DCC: variants seen among roughly 807,000 people sequenced by gnomAD.
The protein encoded by DCC is netrin receptor DCC.
A neutral mutation model predicts 172.5 loss-of-function variants in DCC; 58 were observed. The ratio of observed to expected loss-of-function variants is 0.34; its 90% CI spans 0.27 to 0.42. DCC has a LOEUF of 0.42. Ranked by LOEUF, DCC falls within the 10% of genes least tolerant of loss-of-function variation. DCC has a pLI of 1.00. For synonymous variants in DCC, 709 were observed against 644.5 expected, an observed-to-expected ratio of 1.10 and a Z score of -1.52; for missense variants, 1,740 against 1,791.0, an observed-to-expected ratio of 0.97 and a Z score of 0.51.
At chr18:53,134,571 T>C (rs2043710059) in intron 7 of DCC, among the ~76,000 whole-genome samples, 1 of 152,156 alleles carries the variant, frequency 6.6e-6, no homozygotes, top group African/African-American at 2.4e-5. Context: ...GACACATTTT[T>C]TATGTACAAA....
intron 12 of DCC, among the ~76,000 whole-genome samples, chr18:53,270,973 AT>A (rs1025987162): frequency 6.6e-6 from 1 of 152,126 alleles, no homozygotes; most frequent in African/African-American, 2.4e-5. Context: ...AATATTACCC[AT>A]TTTATTGTTA....
intron 1 of DCC, among the ~76,000 whole-genome samples, chr18:52,352,740 T>G (rs1488636345): frequency 1.1e-4 from 16 of 152,180 alleles, no homozygotes; most frequent in Admixed American, 2.6e-4. Flanking sequence ...TAATTTAGAA[T>G]CTCGGAGATG....
chr18:52,879,412 C>CTGTTTTTTTTTTTTTTTTTTT (rs2039448314), intron 2 of DCC, among the ~76,000 whole-genome samples: 1 of 62,356 alleles, frequency 1.6e-5, no homozygotes, highest in Non-Finnish European at 2.9e-5. Flanking sequence ...TGTTGTTTGG[C>CTGTTTTTTTTTTTTTTTTTTT]TTTTTTTTTT....
chr18:53,215,154 T>C (rs943417109), intron 11 of DCC, among the ~76,000 whole-genome samples: 6 of 152,130 alleles, frequency 3.9e-5, no homozygotes. Flanking sequence ...TATCATAAAA[T>C]TATGCAGATT....
At chr18:53,068,626 C>G (rs1417218833) in intron 7 of DCC, among the ~76,000 whole-genome samples, 1 of 151,856 alleles carries the variant, frequency 6.6e-6, no homozygotes, top group Admixed American at 6.6e-5. Flanking sequence ...TGGCACTGAC[C>G]AAAGAAGTCC....
intron 7 of DCC, among the ~76,000 whole-genome samples, chr18:53,156,153 T>G (rs1170269413): frequency 6.6e-6 from 1 of 152,180 alleles, no homozygotes. Flanking sequence ...TCTTTTCTAC[T>G]ATGAAACATA....
At chr18:52,603,720 A>C (rs892776030) in intron 1 of DCC, among the ~76,000 whole-genome samples, 10 of 151,944 alleles carry the variant, frequency 6.6e-5, no homozygotes, top group Admixed American at 6.6e-5. Context: ...GAAAGGAATG[A>C]CACTGCAAAC....
At chr18:52,697,338 T>A (rs752373641) in intron 1 of DCC, among the ~76,000 whole-genome samples, 4 of 152,184 alleles carry the variant, frequency 2.6e-5, no homozygotes, top group Non-Finnish European at 5.9e-5. Context: ...CTTCCAGTAC[T>A]AATGGATTTC....
intron 11 of DCC, 33 bp from the exon 12 acceptor site, chr18:53,215,515 A>G: frequency 6.3e-7 from 1 of 1,590,518 alleles, no homozygotes; most frequent in Non-Finnish European, 8.6e-7. Flanking sequence ...AGATTTTGGC[A>G]GTAACTGTGA....
intron 7 of DCC, among the ~76,000 whole-genome samples, chr18:53,089,737 G>A (rs753984226): frequency 2.6e-5 from 4 of 152,070 alleles, no homozygotes; most frequent in South Asian, 2.1e-4. Context: ...AGAAAATTGG[G>A]CCTAACTTTC....
intron 1 of DCC, among the ~76,000 whole-genome samples, chr18:52,392,233 G>T (rs985548018): frequency 2.6e-5 from 4 of 152,094 alleles, no homozygotes; most frequent in African/African-American, 7.2e-5. Context: ...GGTTCTTGAT[G>T]TGCAATTTAG....
At chr18:53,070,226 C>A (rs2042634011) in intron 7 of DCC, among the ~76,000 whole-genome samples, 2 of 152,108 alleles carry the variant, frequency 1.3e-5, no homozygotes, top group South Asian at 4.1e-4. Flanking sequence ...TCTCGAACTC[C>A]TGACCTCAGG....
chr18:52,650,274 C>T (rs550761907), intron 1 of DCC, among the ~76,000 whole-genome samples: 15 of 152,116 alleles, frequency 9.9e-5, no homozygotes, highest in East Asian at 9.7e-4. Context: ...CCACCACACC[C>T]GGCCTCTATT....
chr18:52,783,323 C>CTTTTTTTTTTTTT lies in DCC; in HGVS notation c.412+30975_412+30987dup, dbSNP rs374129823. Among the ~76,000 whole-genome samples, 369 of 59,230 alleles carry CTTTTTTTTTTTTT rather than the reference C, an allele frequency of 6.2e-3. 70 individuals are homozygous for CTTTTTTTTTTTTT. The highest frequency in any genetic ancestry group is 7.7e-3 in the Admixed American group (32 of 4,180). The allele number at this position is 59,230 out of a possible 152,430, so 38.9% of individuals were successfully genotyped here. A position where few individuals can be genotyped will look rare whatever the true frequency, so the allele number is the denominator to read the frequency against. On this transcript the variant is annotated intron_variant, in intron 2 of 28. Transcript: ENST00000442544. ...ACTAAAAATAATTTATACTACTACT[C>CTTTTTTTTTTTTT]TTTTTTTTTTTTTTTTTTTTTTTTT...
At chr18:53,034,509 C>A (rs972073838) in intron 5 of DCC, among the ~76,000 whole-genome samples, 3 of 152,046 alleles carry the variant, frequency 2.0e-5, no homozygotes, top group African/African-American at 7.2e-5. Context: ...AAAATATAAT[C>A]AAAATACAGA....
At chr18:52,431,501 T>C (rs1333663137) in intron 1 of DCC, among the ~76,000 whole-genome samples, 1 of 151,912 alleles carries the variant, frequency 6.6e-6, no homozygotes, top group Non-Finnish European at 1.5e-5. Context: ...GGGGAAAAAT[T>C]CTGTGGATTT....
intron 21 of DCC, among the ~76,000 whole-genome samples, chr18:53,420,705 A>G (rs973188950): frequency 3.3e-5 from 5 of 152,108 alleles, no homozygotes; most frequent in African/African-American, 9.7e-5. Flanking sequence ...ATTTAACCTT[A>G]TGATTTAATT....
chr18:53,073,686 C>T (rs2042686483), intron 7 of DCC, among the ~76,000 whole-genome samples: 1 of 151,764 alleles, frequency 6.6e-6, no homozygotes, highest in South Asian at 2.1e-4. Context: ...TCTGTCCTCC[C>T]CTGGAAAAGG....
chr18:52,733,312 C>T (rs1250784793), intron 1 of DCC, among the ~76,000 whole-genome samples: 2 of 152,064 alleles, frequency 1.3e-5, no homozygotes, highest in African/African-American at 2.4e-5. Context: ...TTCATAGTCA[C>T]GTTGCAAATT....
Sources: gnomAD v4.1 joint callset for allele counts (sites outside exome capture counted in the v4.1 genomes callset) on GRCh38, gnomAD v4.1.1 for gene constraint, MANE v1.5 for transcripts, NCBI Gene and HGNC (gene_info 2026-07-23, HGNC 2026-07-21) for gene names.